Variants in AKR1C1 observed in about 807,000 individuals in gnomAD.
AKR1C1 encodes the protein aldo-keto reductase family 1 member C1.
Under a neutral mutation model 40.6 loss-of-function variants are expected in AKR1C1, and 32 were observed. That is an observed-to-expected ratio of 0.79 (90% CI 0.60 to 1.06). The LOEUF (loss-of-function observed/expected upper bound fraction) is 1.06, where lower values mean the gene tolerates loss of function less well. Ranked by LOEUF, AKR1C1 falls within the 50% of genes least tolerant of loss-of-function variation. The pLI is 0.00. For synonymous variants in AKR1C1, 105 were observed against 134.2 expected (o/e 0.78, Z 1.50); for missense variants, 320 against 363.5 (o/e 0.88, Z 0.97).
intron 5 of AKR1C1, chr10:4,969,999 T>C (rs1836398157): frequency 1.3e-5 from 5 of 393,830 alleles, no homozygotes; most frequent in South Asian, 1.2e-4. Flanking sequence ...TTTCACACTT[T>C]CCAAAAATTT....
intron 1 of AKR1C1, among the ~76,000 whole-genome samples, chr10:4,964,504 A>T (rs574232988): frequency 1.5e-3 from 227 of 152,324 alleles, no homozygotes; most frequent in African/African-American, 5.1e-3. Context: ...GGGCTGTGAG[A>T]CCCAGTATCT....
At chr10:4,976,574 G>T (rs1203985393) in intron 8 of AKR1C1, among the ~76,000 whole-genome samples, 8 of 152,208 alleles carry the variant, frequency 5.3e-5, no homozygotes, top group African/African-American at 1.9e-4. Flanking sequence ...TCTCAGTGCA[G>T]AGAATGAAGA....
At chr10:4,963,695 T>C in intron 1 of AKR1C1, 167 bp downstream of exon 1, 1 of 740,744 alleles carries the variant, frequency 1.3e-6, no homozygotes, top group South Asian at 1.6e-5. Context: ...TGCTTATTTG[T>C]GGCACTGTTT....
chr10:4,967,944 A>G (rs1836357166), intron 3 of AKR1C1: 1 of 182,410 alleles, frequency 5.5e-6, no homozygotes. Context: ...TGATAGTGGC[A>G]CCTGGGTAAA....
chr10:4,966,189 T>A, intron 2 of AKR1C1, 108 bp downstream of exon 2: 1 of 1,503,696 alleles, frequency 6.7e-7, no homozygotes, highest in South Asian at 1.4e-5. Context: ...GCTTATTTAT[T>A]ACGATTTATT....
chr10:4,965,571 G>C lies in AKR1C1; in HGVS notation c.85-343G>C, dbSNP rs116504888. On this transcript the variant is annotated intron_variant, in intron 1 of 8. Transcript: ENST00000380872. ...GAGCCGCCACGCCTGGCCATTCCTT[G>C]TGTTAATTTTACCATACTAAAAATA... is the stretch of plus-strand genomic sequence containing the variant. The C allele has an allele frequency of 8.7e-3, 1,496 of 171,428 alleles. 30 individuals carry two copies. Among genetic ancestry groups the C allele is most frequent in the African/African-American group, 0.034 (1,422 of 42,068 alleles). The allele number at this position is 171,428 out of a possible 1,614,324, so 10.6% of individuals were successfully genotyped here. A position where few individuals can be genotyped will look rare whatever the true frequency, so the allele number is the denominator to read the frequency against.
rs370777519 is a variant in AKR1C1, at chr10:4,978,222, T to C, written c.*480T>C. ...AGTCTAGAGGATGAGCGATATTGAC[T>C]AGCAATTCATGGGCTCCCTCCAGCA... is the stretch of plus-strand genomic sequence containing the variant. On this transcript the variant is annotated 3_prime_UTR_variant, in exon 9 of 9. Coordinates refer to ENST00000380872, the MANE Select transcript of AKR1C1 (RefSeq NM_001353.6). The C allele has an allele frequency of 0.018, 2,709 of 150,536 alleles. 60 individuals carry two copies. Among genetic ancestry groups the C allele is most frequent in the African/African-American group, 0.053 (2,061 of 39,212 alleles). The allele number at this position is 150,536 out of a possible 1,614,324, so 9.3% of individuals were successfully genotyped here. A position where few individuals can be genotyped will look rare whatever the true frequency, so the allele number is the denominator to read the frequency against.
chr10:4,972,018 C>G (rs1554769874), intron 5 of AKR1C1, among the ~76,000 whole-genome samples, 183 bp from the exon 6 acceptor site: 2 of 150,616 alleles, frequency 1.3e-5, no homozygotes, highest in Non-Finnish European at 2.9e-5. Context: ...TCAGAAATAG[C>G]ATTTCTATTT....
rs1219323654 is a variant in AKR1C1, at chr10:4,982,814, A to G, written c.*5072A>G. ...TCCACACAGCACCTCAAGGAAGAAT[A>G]AATAGAACTGTTCCCAGGAAGGAGA... On this transcript the variant is annotated 3_prime_UTR_variant, in exon 9 of 9. Transcript: ENST00000380872. 5 of 355,314 alleles carry G rather than the reference A, an allele frequency of 1.4e-5. No individual in the cohort carries two copies. The highest frequency in any genetic ancestry group is 2.8e-5 in the Non-Finnish European group (5 of 177,678). The allele number at this position is 355,314 out of a possible 1,614,324, so 22.0% of individuals were successfully genotyped here.
At chr10:4,975,463 G>A (rs1239741331) in intron 7 of AKR1C1, among the ~76,000 whole-genome samples, 1 of 152,176 alleles carries the variant, frequency 6.6e-6, no homozygotes, top group Non-Finnish European at 1.5e-5. Flanking sequence ...TCATTGGAGA[G>A]ATAGATATTC....
intron 5 of AKR1C1, chr10:4,969,618 G>A (rs2131643019): frequency 6.3e-7 from 1 of 1,586,712 alleles, no homozygotes. Flanking sequence ...CTTCTTTGGA[G>A]TCTGTCATGC....
chr10:4,963,749 C>A (rs28464583), intron 1 of AKR1C1: 129,835 of 667,758 alleles, frequency 0.19, 20,044 homozygotes, highest in African/African-American at 0.36. Flanking sequence ...AGAGTCTATA[C>A]AACTCAGCAG....
rs748592020 is a variant in AKR1C1, at chr10:4,968,835, G to A, written c.461G>A (p.Cys154Tyr). ...CCTTTTTCCCAGGCCGTGGAGAAGT[G>A]TAAAGATGCAGGATTGGCCAAGTCC... ...LCATWEAVEK[C>Y]KDAGLAKSIG... The change falls in exon 5 of 9, where the codon TGT (cysteine) becomes TAT (tyrosine). Residue 154 changes from cysteine (C) to tyrosine (Y), a missense_variant. Physicochemically the swap from Cys to Tyr is radical, Grantham distance 194. Around this residue, in one of 3 missense-constraint regions of AKR1C1, gnomAD observed 214 missense variants for 214.8 expected, o/e 1.00. Transcript: ENST00000380872. 8 of 1,614,130 alleles carry A rather than the reference G, an allele frequency of 5.0e-6. No homozygotes were observed. The highest frequency in any genetic ancestry group is 1.6e-4 in the Middle Eastern group (1 of 6,062).
intron 5 of AKR1C1, among the ~76,000 whole-genome samples, chr10:4,971,506 T>A (rs1420225692): frequency 6.2e-5 from 6 of 96,748 alleles, no homozygotes; most frequent in South Asian, 3.3e-4. Flanking sequence ...ATATATATAT[T>A]ATATATATAT....
At chr10:4,966,207 A>C in intron 2 of AKR1C1, 126 bp downstream of exon 2, 1 of 1,471,234 alleles carries the variant, frequency 6.8e-7, no homozygotes, top group Non-Finnish European at 9.1e-7. Flanking sequence ...ATTCACACTT[A>C]CTCATGTATT....
chr10:4,966,370 A>G (rs1478347067), intron 2 of AKR1C1, among the ~76,000 whole-genome samples: 1 of 152,188 alleles, frequency 6.6e-6, no homozygotes, highest in Non-Finnish European at 1.5e-5. Flanking sequence ...TAATCATATT[A>G]TATTATTTCT....
At chr10:4,975,479 T>C (rs1339877469) in intron 7 of AKR1C1, among the ~76,000 whole-genome samples, 1 of 152,236 alleles carries the variant, frequency 6.6e-6, no homozygotes, top group Non-Finnish European at 1.5e-5. Context: ...TATTCAATGT[T>C]ATTCATCAAA....
At chr10:4,966,795 G>A in intron 2 of AKR1C1, 132 bp from the exon 3 acceptor site, 1 of 709,472 alleles carries the variant, frequency 1.4e-6, no homozygotes, top group Non-Finnish European at 2.4e-6. Context: ...GGCATCACAA[G>A]AAGAGAGAGA....
intron 2 of AKR1C1, among the ~76,000 whole-genome samples, chr10:4,966,472 T>C (rs373841729): frequency 6.6e-6 from 1 of 152,240 alleles, no homozygotes; most frequent in African/African-American, 2.4e-5. Flanking sequence ...AAGCAAGCTC[T>C]GTGAGTATTA....
Sources: gnomAD v4.1 joint callset for allele counts (sites outside exome capture counted in the v4.1 genomes callset) on GRCh38, gnomAD v4.1.1 for gene constraint, gnomAD v4.1.1 regional missense constraint, MANE v1.5 for transcripts, NCBI Gene and HGNC (gene_info 2026-07-23, HGNC 2026-07-21) for gene names.